The following CNNM2 variants were observed in gnomAD, a reference collection of about 807,000 sequenced individuals.
The protein encoded by CNNM2 is metal transporter CNNM2.
In CNNM2, 12 loss-of-function variants were observed where a neutral mutation model predicts 66.9. The ratio of observed to expected loss-of-function variants is 0.18; its 90% CI spans 0.11 to 0.29. The LOEUF (loss-of-function observed/expected upper bound fraction) is 0.29. Ranked by LOEUF, CNNM2 falls within the 10% of genes least tolerant of loss-of-function variation. The pLI, the probability that CNNM2 is intolerant of heterozygous loss-of-function variation, is 1.00. For missense variants in CNNM2, 705 were observed against 1,167.7 expected (o/e 0.60, Z 5.77); for synonymous variants, 557 against 501.8 (o/e 1.11, Z -1.47).
At chr10:102,980,876 T>A (rs943355080) in intron 1 of CNNM2, among the ~76,000 whole-genome samples, 41 of 152,342 alleles carry the variant, frequency 2.7e-4, no homozygotes, top group African/African-American at 9.9e-4. Context: ...TCTCTTTTTC[T>A]TTGCTTACTT....
intron 1 of CNNM2, among the ~76,000 whole-genome samples, chr10:102,961,147 G>C (rs1253756359): frequency 2.6e-5 from 4 of 151,394 alleles, no homozygotes; most frequent in Non-Finnish European, 5.9e-5. Context: ...CAAAGTGCTG[G>C]GATTACAGGT....
At position 102,919,576 on chromosome 10, in the gene CNNM2, C is replaced by A. The variant is rs1243392693; in HGVS notation, c.1096C>A (p.Arg366=). The change falls in exon 1 of 8, where the codon CGG becomes AGG. Residue 366 remains arginine (R), a synonymous_variant. Coordinates refer to ENST00000369878, the MANE Select transcript of CNNM2 (RefSeq NM_017649.5). Reference sequence around the variant, plus strand: ...GATCGTGCCCCAGGCCATCTGCTCCCGGCATGGCCTGGCTGTGGGGGCCAA... The same window carrying A: ...GATCGTGCCCCAGGCCATCTGCTCCAGGCATGGCCTGGCTGTGGGGGCCAA... The part of the protein sequence containing the change: ...GEIVPQAICS[R]HGLAVGANTI... The A allele has an allele frequency of 6.2e-7, 1 of 1,613,566 alleles. No individual in the cohort carries two copies. Among genetic ancestry groups the A allele is most frequent in the East Asian group, 2.2e-5 (1 of 44,886 alleles).
At chr10:102,948,882 A>G (rs572525571) in intron 1 of CNNM2, among the ~76,000 whole-genome samples, 3 of 137,770 alleles carry the variant, frequency 2.2e-5, no homozygotes, top group Non-Finnish European at 4.8e-5. Context: ...TCAATGATAG[A>G]GAGAGAGAGG....
chr10:102,974,065 T>C (rs1409588490), intron 1 of CNNM2, among the ~76,000 whole-genome samples: 1 of 152,244 alleles, frequency 6.6e-6, no homozygotes, highest in African/African-American at 2.4e-5. Context: ...TTGACGTCCT[T>C]GGGAACTAGG....
chr10:102,972,909 T>G (rs540065613), intron 1 of CNNM2, among the ~76,000 whole-genome samples: 3 of 152,336 alleles, frequency 2.0e-5, no homozygotes, highest in Non-Finnish European at 2.9e-5. Context: ...ATCAAGTTTC[T>G]TTATCTTGAC....
intron 1 of CNNM2, among the ~76,000 whole-genome samples, chr10:102,922,454 A>C (rs1291762860): frequency 6.6e-6 from 1 of 152,148 alleles, no homozygotes; most frequent in Non-Finnish European, 1.5e-5. Context: ...CAATTATGAC[A>C]GTGTTAACAA....
At chr10:103,067,542 GT>G (rs1433939802) in intron 4 of CNNM2, among the ~76,000 whole-genome samples, 2 of 152,104 alleles carry the variant, frequency 1.3e-5, no homozygotes, top group Non-Finnish European at 2.9e-5. Flanking sequence ...CTTAATTTTT[GT>G]TCACCCATTG....
chr10:102,963,762 A>G lies in CNNM2; in HGVS notation c.1621+43661A>G, dbSNP rs537228356. Among the ~76,000 whole-genome samples the G allele has an allele frequency of 2.6e-5, 4 of 152,328 alleles. No homozygotes were observed. In the South Asian group the frequency reaches 8.3e-4, roughly 32 times the overall value. ...TCTGCTCTGCTAGATGCCGTGGGGCATATTGAAGTTGCTTAAAGTCTGGTA... is the reference window on the plus strand; with the variant it reads ...TCTGCTCTGCTAGATGCCGTGGGGCGTATTGAAGTTGCTTAAAGTCTGGTA... On this transcript the variant is annotated intron_variant, in intron 1 of 7. Coordinates refer to ENST00000369878, the MANE Select transcript of CNNM2 (RefSeq NM_017649.5).
intron 4 of CNNM2, among the ~76,000 whole-genome samples, chr10:103,060,440 G>A (rs2065365289): frequency 6.6e-6 from 1 of 151,988 alleles, no homozygotes; most frequent in Non-Finnish European, 1.5e-5. Context: ...AGCTACTCAG[G>A]AGGCTGAGGT....
In CNNM2 at chr10:103,083,895, A is replaced by G. The variant is rs2065779494; in HGVS notation, c.*6715A>G. The G allele has an allele frequency of 6.6e-6, 1 of 152,238 alleles. No homozygotes were observed. The highest frequency in any genetic ancestry group is 2.4e-5 in the African/African-American group (1 of 41,452). The allele number at this position is 152,238 out of a possible 1,614,324, so 9.4% of individuals were successfully genotyped here. A position where few individuals can be genotyped will look rare whatever the true frequency, so the allele number is the denominator to read the frequency against. On this transcript the variant is annotated 3_prime_UTR_variant, in exon 8 of 8. Transcript: ENST00000369878. ...GCCTGGGAGGAAGGTCGGAGCAGGC[A>G]TGGATAGTCACTTTCAAGTGGAAAA...
chr10:102,952,849 G>C (rs528914568), intron 1 of CNNM2, among the ~76,000 whole-genome samples: 22 of 152,258 alleles, frequency 1.4e-4, no homozygotes, highest in East Asian at 5.8e-4. Flanking sequence ...TTCAGTACTT[G>C]AATAGAAGTC....
chr10:103,052,521 T>C (rs2134334884), intron 2 of CNNM2, among the ~76,000 whole-genome samples: 1 of 119,242 alleles, frequency 8.4e-6, no homozygotes. Context: ...TTTTTTTCTT[T>C]TTTTTTTTTT....
At chr10:103,062,371 C>T (rs2065402130) in intron 4 of CNNM2, among the ~76,000 whole-genome samples, 2 of 152,192 alleles carry the variant, frequency 1.3e-5, no homozygotes, top group South Asian at 4.1e-4. Flanking sequence ...TTAATAGCAA[C>T]CTCCTCATGG....
chr10:103,029,916 G>C lies in CNNM2; in HGVS notation c.1622-19791G>C, dbSNP rs144508020. Among the ~76,000 whole-genome samples the C allele has an allele frequency of 4.6e-5, 7 of 152,160 alleles. No individual in the cohort carries two copies. The East Asian group carries it at 1.4e-3, about 29-fold the overall frequency. On this transcript the variant is annotated intron_variant, in intron 1 of 7. Coordinates refer to ENST00000369878, the MANE Select transcript of CNNM2 (RefSeq NM_017649.5). ...GAGAGTGAGATAGTTATTAATACAG[G>C]GTAATAAGTGCCCTAATGGAGCCAA...
intron 1 of CNNM2, among the ~76,000 whole-genome samples, chr10:103,028,519 T>A (rs183264931): frequency 6.6e-6 from 1 of 152,326 alleles, no homozygotes; most frequent in Admixed American, 6.5e-5. Flanking sequence ...TTGTAACCTT[T>A]CTAGAATTTG....
chr10:102,991,168 A>G (rs2063891437), intron 1 of CNNM2, among the ~76,000 whole-genome samples: 1 of 152,026 alleles, frequency 6.6e-6, no homozygotes, highest in Non-Finnish European at 1.5e-5. Flanking sequence ...TTATATTTTT[A>G]GTAGAGACGA....
Position 103,068,729 on chromosome 10 carries a change from T to TTGGTTCCCA in CNNM2, c.2167+8_2167+16dup. On this transcript the variant is annotated splice_region_variant and intron_variant, in intron 5 of 7. Transcript: ENST00000369878. ...GCCCTGACAGCCTCTCCAGGTATGT[T>TTGGTTCCCA]TGGTTCCCAGCCGCATAGGGCAGGA... 1 of 1,609,944 alleles carries TTGGTTCCCA rather than the reference T, an allele frequency of 6.2e-7. No individual in the cohort carries two copies.
intron 1 of CNNM2, among the ~76,000 whole-genome samples, chr10:102,952,907 G>T (rs960239579): frequency 6.6e-6 from 1 of 152,206 alleles, no homozygotes; most frequent in East Asian, 1.9e-4. Flanking sequence ...AATAAGGTTG[G>T]TAAGAACTCT....
chr10:103,063,405 A>G (rs905213755), intron 4 of CNNM2, among the ~76,000 whole-genome samples: 13 of 152,164 alleles, frequency 8.5e-5, no homozygotes, highest in African/African-American at 3.1e-4. Context: ...CAAGAAGGTG[A>G]GCGGGAGACC....
Sources: allele counts gnomAD v4.1 joint callset (sites outside exome capture counted in the v4.1 genomes callset), GRCh38; gene constraint gnomAD v4.1.1; transcripts MANE v1.5; gene names NCBI Gene and HGNC (gene_info 2026-07-23, HGNC 2026-07-21).